The following PDZRN3 variants were observed in gnomAD, a reference collection of about 807,000 sequenced individuals.
PDZRN3 encodes PDZ domain containing ring finger 3, also known as E3 ubiquitin-protein ligase PDZRN3.
A neutral mutation model predicts 85.7 loss-of-function variants in PDZRN3; 38 were observed. The ratio of observed to expected loss-of-function variants is 0.44; its 90% confidence interval spans 0.34 to 0.58. The LOEUF (loss-of-function observed/expected upper bound fraction) is 0.58, where lower values mean the gene tolerates loss of function less well. PDZRN3 is among the 20% of genes least tolerant of loss of function. The probability of loss-of-function intolerance (pLI) is 0.01; values close to 1 mark genes in which losing one functional copy is unlikely to be tolerated. For missense variants in PDZRN3, 1,629 were observed against 1,506.4 expected (o/e 1.08, Z -1.35); for synonymous variants, 759 against 638.0 (o/e 1.19, Z -2.86).
Position 73,384,495 on chromosome 3 carries a change from C to A in PDZRN3, c.2071G>T (p.Glu691Ter), listed in dbSNP as rs1403247621. ...VDKELELLNEELRSIELECLS... is the reference protein window; with the variant it reads ...VDKELELLNE The stretch of plus-strand genomic sequence containing the variant: ...CACTCCAGCTCGATGCTGCGCAGCT[C>A]TTCGTTCAGCAGCTCCAGCTCCTTG... Residue 691 changes from glutamate to a stop codon, truncating the protein, a stop_gained, in exon 10 of 10, where the codon GAG becomes TAG. Transcript: ENST00000263666. LOFTEE classifies it high-confidence loss of function. 1.9e-6 allele frequency: 3 copies of A among 1,613,536 alleles called. No individual in the cohort carries two copies. The highest frequency in any genetic ancestry group is 2.5e-6 in the Non-Finnish European group (3 of 1,180,026).
At chr3:73,414,433 CTTTTT>C (rs914688271) in intron 3 of PDZRN3, among the ~76,000 whole-genome samples, 10 of 151,910 alleles carry the variant, frequency 6.6e-5, no homozygotes, top group East Asian at 1.9e-4. Flanking sequence ...CTTTTTTGTT[CTTTTT>C]TTTTGTTTTG....
chr3:73,507,635 G>A (rs1403321309), intron 3 of PDZRN3, among the ~76,000 whole-genome samples: 1 of 152,222 alleles, frequency 6.6e-6, no homozygotes, highest in Non-Finnish European at 1.5e-5. Context: ...GTTTGACAAT[G>A]TCAGGTCTAA....
intron 3 of PDZRN3, among the ~76,000 whole-genome samples, chr3:73,591,931 C>T (rs1702362598): frequency 6.6e-6 from 1 of 152,146 alleles, no homozygotes; most frequent in South Asian, 2.1e-4. Context: ...GAGTTTATCT[C>T]TGGGTATCCT....
chr3:73,447,263 G>A (rs997727296), intron 3 of PDZRN3, among the ~76,000 whole-genome samples: 1 of 151,762 alleles, frequency 6.6e-6, no homozygotes, highest in African/African-American at 2.4e-5. Flanking sequence ...GTCTGTGCAG[G>A]AAATCGAAGC....
chr3:73,497,004 A>G (rs1351993967), intron 3 of PDZRN3, among the ~76,000 whole-genome samples: 1 of 152,242 alleles, frequency 6.6e-6, no homozygotes, highest in African/African-American at 2.4e-5. Flanking sequence ...TTAACAAATG[A>G]ACTAAATTAT....
chr3:73,529,348 C>G (rs1704601234), intron 3 of PDZRN3, among the ~76,000 whole-genome samples: 1 of 152,172 alleles, frequency 6.6e-6, no homozygotes, highest in African/African-American at 2.4e-5. Flanking sequence ...CTGTACCAAG[C>G]CAGGGCAAAC....
intron 1 of PDZRN3, among the ~76,000 whole-genome samples, chr3:73,609,573 C>CCTGTGT: frequency 6.6e-6 from 1 of 152,324 alleles, no homozygotes; most frequent in East Asian, 1.9e-4. Context: ...TGCAAAACAT[C>CCTGTGT]ACAGCCTGTG....
At chr3:73,474,637 T>C (rs1352319099) in intron 3 of PDZRN3, 1 of 1,215,930 alleles carries the variant, frequency 8.2e-7, no homozygotes, top group Non-Finnish European at 1.1e-6. Context: ...AATGCTATGG[T>C]TGTGGCAAGG....
intron 3 of PDZRN3, among the ~76,000 whole-genome samples, chr3:73,536,481 T>A (rs181741855): frequency 2.1e-3 from 314 of 152,304 alleles, no homozygotes; most frequent in African/African-American, 7.3e-3. Context: ...GCATGACAGG[T>A]ATGTGTGTCA....
At position 73,384,328 on chromosome 3, in the gene PDZRN3, G is replaced by A. The variant is rs756238562; in HGVS notation, c.2238C>T (p.Leu746=). 31 of 1,611,598 alleles carry A rather than the reference G, an allele frequency of 1.9e-5. No homozygotes were observed. The highest frequency in any genetic ancestry group is 1.6e-4 in the African/African-American group (12 of 74,950). The change falls in exon 10 of 10, where the codon CTC becomes CTT. Residue 746 remains leucine, a synonymous_variant. Coordinates refer to ENST00000263666, the MANE Select transcript of PDZRN3 (RefSeq NM_015009.3). ...RRHELSDITE[L]PEKSDKDSSS... is the part of the protein sequence containing the mutation. ...AGCTGTCCTTGTCGGATTTCTCCGG[G>A]AGCTCGGTGATATCTGAGAGCTCGT...
intron 3 of PDZRN3, among the ~76,000 whole-genome samples, chr3:73,565,767 G>T (rs1387676573): frequency 6.8e-6 from 1 of 146,256 alleles, no homozygotes. Flanking sequence ...GTGAAACCCT[G>T]TCTCTACTAA....
chr3:73,597,720 T>C (rs957416745), intron 3 of PDZRN3, among the ~76,000 whole-genome samples: 2 of 148,180 alleles, frequency 1.3e-5, no homozygotes, highest in African/African-American at 5.0e-5. Context: ...GAGGAGTGTT[T>C]AACTTATAGG....
chr3:73,563,058 G>A (rs1195953864), intron 3 of PDZRN3, among the ~76,000 whole-genome samples: 3 of 111,622 alleles, frequency 2.7e-5, no homozygotes, highest in Admixed American at 1.2e-4. Flanking sequence ...TAGTTCAGTT[G>A]CTCAGGCTGG....
chr3:73,571,862 C>T (rs781235137), intron 3 of PDZRN3, among the ~76,000 whole-genome samples: 1 of 152,144 alleles, frequency 6.6e-6, no homozygotes, highest in Non-Finnish European at 1.5e-5. Context: ...TTTGAAAAAA[C>T]AGGAACATAC....
intron 3 of PDZRN3, among the ~76,000 whole-genome samples, chr3:73,502,522 T>A (rs945864816): frequency 1.3e-5 from 2 of 152,216 alleles, no homozygotes; most frequent in African/African-American, 4.8e-5. Context: ...TTAACATTTA[T>A]CTTTCTGAGT....
chr3:73,429,998 A>G (rs935233049), intron 3 of PDZRN3, among the ~76,000 whole-genome samples: 1 of 152,212 alleles, frequency 6.6e-6, no homozygotes, highest in African/African-American at 2.4e-5. Context: ...TGATTTTTGG[A>G]AACTGACCCG....
chr3:73,539,656 T>A (rs1006474805), intron 3 of PDZRN3, among the ~76,000 whole-genome samples: 2 of 152,016 alleles, frequency 1.3e-5, no homozygotes, highest in African/African-American at 4.8e-5. Flanking sequence ...AATCCAGCCA[T>A]CCCAGCTAGG....
At chr3:73,487,876 A>G (rs1703694739) in intron 3 of PDZRN3, among the ~76,000 whole-genome samples, 1 of 152,206 alleles carries the variant, frequency 6.6e-6, no homozygotes. Context: ...CCATTTCACA[A>G]CAGGGCAAAG....
At chr3:73,573,614 GCT>G (rs1160510399) in intron 3 of PDZRN3, among the ~76,000 whole-genome samples, 1 of 152,068 alleles carries the variant, frequency 6.6e-6, no homozygotes, top group African/African-American at 2.4e-5. Context: ...TTACCATCTG[GCT>G]CTTTACAGGA....
Sources: gnomAD v4.1 joint callset for allele counts (sites outside exome capture counted in the v4.1 genomes callset) on GRCh38, gnomAD v4.1.1 for gene constraint, MANE v1.5 for transcripts, NCBI Gene and HGNC (gene_info 2026-07-23, HGNC 2026-07-21) for gene names.